Variants in ATG16L2 observed in about 807,000 individuals in gnomAD.
ATG16L2 encodes autophagy related 16 like 2.
ATG16L2 carries 77 observed loss-of-function variants against 84.7 expected under a neutral mutation model. The ratio of observed to expected loss-of-function variants is 0.91; its 90% CI spans 0.76 to 1.10. The LOEUF (loss-of-function observed/expected upper bound fraction) is 1.10, where lower values mean the gene tolerates loss of function less well. ATG16L2 is among the 50% of genes least tolerant of loss of function. The probability of loss-of-function intolerance (pLI) is 0.00; values close to 1 mark genes in which losing one functional copy is unlikely to be tolerated. For missense variants in ATG16L2, 782 were observed against 817.6 expected (o/e 0.96, Z 0.53); for synonymous variants, 361 against 342.8 (o/e 1.05, Z -0.59).
At chr11:72,816,180 C>G (rs1859686339) in intron 1 of ATG16L2, 2 of 152,524 alleles carry the variant, frequency 1.3e-5, no homozygotes, top group South Asian at 4.0e-4. Context: ...GGGGGTTTCA[C>G]CGTGTTAGCC....
chr11:72,835,783 T>C (rs1256826928), intron 5 of ATG16L2, among the ~76,000 whole-genome samples: 2 of 151,864 alleles, frequency 1.3e-5, no homozygotes, highest in African/African-American at 4.8e-5. Context: ...AGTTTCACTC[T>C]TGTTCCCCAG....
chr11:72,816,895 C>T, intron 2 of ATG16L2, 68 bp downstream of exon 2: 1 of 1,134,902 alleles, frequency 8.8e-7, no homozygotes, highest in Non-Finnish European at 1.2e-6. Context: ...GCTGCCTGTG[C>T]TGGGTTCATT....
rs143300353 is a variant in ATG16L2, at chr11:72,814,491, C to G, written c.46C>G (p.Arg16Gly). 6.5e-7 allele frequency: 1 copy of G among 1,540,464 alleles called. No homozygotes were observed. The highest frequency in any genetic ancestry group is 8.8e-7 in the Non-Finnish European group (1 of 1,141,520). ...VPGAPAARWK[R>G]HIVRQLRLRD... The stretch of plus-strand genomic sequence containing the variant: ...CGGTGCCCCCGCAGCGCGCTGGAAA[C>G]GCCACATCGTGCGGCAGCTGCGGCT... Residue 16 changes from arginine (R) to glycine (G), a missense_variant, in exon 1 of 18, where the codon CGC becomes GGC. Transcript: ENST00000321297.
intron 5 of ATG16L2, chr11:72,841,050 C>T: frequency 1.0e-6 from 1 of 959,480 alleles, no homozygotes; most frequent in South Asian, 1.4e-5. Context: ...AGCCTGTAAT[C>T]CCAGCACTTT....
In ATG16L2 at chr11:72,824,730, CCA is replaced by C. The variant is rs1039894435; in HGVS notation, c.888-3_888-2del. On this transcript the variant is annotated splice_acceptor_variant and splice_polypyrimidine_tract_variant and intron_variant, in intron 8 of 17. Transcript: ENST00000321297. LOFTEE classifies it high-confidence loss of function. ...CCTCCTGACCCCAACCCACCTTACC[CCA>C]GTTTTAAGAAGAGGAGAGGTCACTC... 2 of 1,613,106 alleles carry C rather than the reference CCA, an allele frequency of 1.2e-6. No individual in the cohort carries two copies. Among genetic ancestry groups the C allele is most frequent in the Non-Finnish European group, 1.7e-6 (2 of 1,179,174 alleles).
At chr11:72,838,584 A>G in intron 5 of ATG16L2, 1 of 587,226 alleles carries the variant, frequency 1.7e-6, no homozygotes. Flanking sequence ...TGGTAGGAGA[A>G]ATGACATAGA....
At chr11:72,828,079 G>A (rs1242162015) in intron 14 of ATG16L2, among the ~76,000 whole-genome samples, 1 of 152,152 alleles carries the variant, frequency 6.6e-6, no homozygotes, top group Non-Finnish European at 1.5e-5. Context: ...TTTTAAAGAC[G>A]AGACTTCATT....
At position 72,842,632 on chromosome 11, in the gene ATG16L2, T is replaced by C. The variant is rs1312689686; in HGVS notation, c.*37T>C. 6.2e-7 allele frequency: 1 copy of C among 1,614,026 alleles called. No individual in the cohort carries two copies. The highest frequency in any genetic ancestry group is 1.7e-5 in the Admixed American group (1 of 60,022). On this transcript the variant is annotated 3_prime_UTR_variant, in exon 6 of 6. Coordinates refer to the ATG16L2 transcript ENST00000534905. ...CCCCTCTCAGGTACCTGAATCTCTCTCATCCATGGAGTGTCACCATTTTCT... is the reference window on the plus strand; with the variant it reads ...CCCCTCTCAGGTACCTGAATCTCTCCCATCCATGGAGTGTCACCATTTTCT...
rs1381443594 is a variant in ATG16L2 at position 72,825,525 on chromosome 11, GT to G, written c.1102+119del. Reference sequence around the variant, plus strand: ...TGTGTTTCTCTATCTGGAATATTCTGTGGGCAGTGACTAGACAATGCCTTGG... The same window carrying G: ...TGTGTTTCTCTATCTGGAATATTCTGGGGCAGTGACTAGACAATGCCTTGG... On this transcript the variant is annotated intron_variant, in intron 10 of 17. Coordinates refer to ENST00000321297, the MANE Select transcript of ATG16L2 (RefSeq NM_033388.2). 3.8e-6 allele frequency: 3 copies of G among 780,156 alleles called. No homozygotes were observed. In the African/African-American group the frequency reaches 5.1e-5, roughly 13 times the overall value. The allele number at this position is 780,156 out of a possible 1,614,324, so 48.3% of individuals were successfully genotyped here. A position where few individuals can be genotyped will look rare whatever the true frequency, so the allele number is the denominator to read the frequency against.
chr11:72,841,234 T>C (rs1252059098), intron 5 of ATG16L2, among the ~76,000 whole-genome samples: 1 of 146,626 alleles, frequency 6.8e-6, no homozygotes, highest in Non-Finnish European at 1.5e-5. Flanking sequence ...CTAGGGAGGC[T>C]GAGGCAGGAG....
rs750742456 is a variant in ATG16L2 at position 72,817,892 on chromosome 11, A to C, written c.318+37A>C. 15 of 1,561,934 alleles carry C rather than the reference A, an allele frequency of 9.6e-6. No homozygotes were observed. The African/African-American group carries it at 1.6e-4, about 17-fold the overall frequency. On this transcript the variant is annotated intron_variant, in intron 3 of 17. Coordinates refer to ENST00000321297, the MANE Select transcript of ATG16L2 (RefSeq NM_033388.2). ...AGGGGTCTGAAAATGGGGTAGAGAG[A>C]TGTGGTCCAAGGGAGCCAGCCAGTG...
At chr11:72,816,912 C>A in intron 2 of ATG16L2, 85 bp downstream of exon 2, 2 of 1,008,578 alleles carry the variant, frequency 2.0e-6, no homozygotes, top group Non-Finnish European at 2.9e-6. Flanking sequence ...CATTCTCTCC[C>A]TAGTGCCTCA....
chr11:72,829,176 A>C lies in ATG16L2; in HGVS notation c.1773-127A>C. On this transcript the variant is annotated intron_variant, in intron 17 of 17. Transcript: ENST00000321297. ...ATCCTTTCCACAGCCCTGTGAGCTA[A>C]CTTGACAGATGAGGAAACAGGCTCA... 5.9e-6 allele frequency: 7 copies of C among 1,179,732 alleles called. No individual in the cohort carries two copies. The South Asian group carries it at 1.0e-4, about 17-fold the overall frequency. 73.1% of individuals were successfully genotyped at this position (1,179,732 alleles called of 1,614,324 possible). A position where few individuals can be genotyped will look rare whatever the true frequency, so the allele number is the denominator to read the frequency against.
At chr11:72,829,071 C>G in intron 17 of ATG16L2, 87 bp downstream of exon 17, 1 of 1,393,694 alleles carries the variant, frequency 7.2e-7, no homozygotes, top group South Asian at 1.2e-5. Context: ...CCCTGGAGTC[C>G]CCAGCCCTTG....
At chr11:72,823,506 C>G in intron 7 of ATG16L2, 1 of 371,590 alleles carries the variant, frequency 2.7e-6, no homozygotes, top group South Asian at 2.0e-5. Context: ...AGGCTGCCCG[C>G]TCTGGGCGCC....
downstream of ATG16L2, among the ~76,000 whole-genome samples, chr11:72,833,126 T>G (rs904414516): frequency 2.6e-5 from 4 of 152,228 alleles, no homozygotes; most frequent in East Asian, 7.7e-4. Context: ...AGTCTGCTGT[T>G]GCGCTGAGTG....
At chr11:72,839,003 C>T (rs145036173) in intron 5 of ATG16L2, 55 of 716,908 alleles carry the variant, frequency 7.7e-5, no homozygotes, top group South Asian at 3.4e-4. Flanking sequence ...GTTGTGAGCA[C>T]GTGCTTTCAA....
At chr11:72,823,630 T>C (rs1860149425) in intron 7 of ATG16L2, 1 of 437,260 alleles carries the variant, frequency 2.3e-6, no homozygotes, top group South Asian at 1.6e-5. Context: ...CCCAAAGTCC[T>C]TGGGAGCCCT....
chr11:72,833,483 CTGGGGACTGGA>C (rs1479948825), downstream of ATG16L2, among the ~76,000 whole-genome samples: 1 of 152,166 alleles, frequency 6.6e-6, no homozygotes, highest in Non-Finnish European at 1.5e-5. Context: ...CTGAGGTGGC[CTGGGGACTGGA>C]ATACATTTCC....
Sources: gnomAD v4.1 joint callset for allele counts (sites outside exome capture counted in the v4.1 genomes callset) on GRCh38, gnomAD v4.1.1 for gene constraint, MANE v1.5 for transcripts, NCBI Gene and HGNC (gene_info 2026-07-23, HGNC 2026-07-21) for gene names.